Variants in SPA17 observed in about 807,000 individuals in gnomAD.
The protein encoded by SPA17 is sperm autoantigenic protein 17.
In SPA17, 7 loss-of-function variants were observed where a neutral mutation model predicts 13.8. That is an observed-to-expected ratio of 0.51 (90% CI 0.29 to 0.95). The LOEUF is 0.95. Among genes scored for constraint, SPA17 ranks in the 40% least tolerant of loss-of-function variants. The pLI is 0.08. For missense variants in SPA17, 170 were observed against 179.3 expected, an observed-to-expected ratio of 0.95 and a Z score of 0.30; for synonymous variants, 61 against 59.0, an observed-to-expected ratio of 1.03 and a Z score of -0.16.
In SPA17 at chr11:124,692,957, C is replaced by T. The variant is rs187155175; in HGVS notation, c.312+1175C>T. On this transcript the variant is annotated intron_variant, in intron 4 of 4. Coordinates refer to ENST00000227135, the MANE Select transcript of SPA17 (RefSeq NM_017425.4). The stretch of plus-strand genomic sequence containing the variant: ...TCCTACCTAGTGATGCATTGCTTTT[C>T]CCTATAAGATTTACAGGTTGTTCCA... Among the ~76,000 whole-genome samples the T allele has an allele frequency of 5.1e-3, 775 of 152,288 alleles. 10 individuals are homozygous for T. The highest frequency in any genetic ancestry group is 0.017 in the African/African-American group (721 of 41,554).
chr11:124,693,483 G>A (rs1943642608), intron 4 of SPA17, among the ~76,000 whole-genome samples: 1 of 145,668 alleles, frequency 6.9e-6, no homozygotes, highest in African/African-American at 2.7e-5. Flanking sequence ...AAAATAAAAA[G>A]ACATATATAT....
chr11:124,674,478 C>T (rs1943431106), intron 1 of SPA17: 1 of 152,440 alleles, frequency 6.6e-6, no homozygotes, highest in Admixed American at 6.5e-5. Flanking sequence ...CGCACACTCT[C>T]ACATTAACAG....
At chr11:124,675,459 T>G (rs199610309) in intron 2 of SPA17, 41 bp downstream of exon 2, 34 of 1,592,854 alleles carry the variant, frequency 2.1e-5, no homozygotes, top group Non-Finnish European at 2.9e-5. Flanking sequence ...AATAAGAAAC[T>G]AAGCATTTGT....
intron 2 of SPA17, among the ~76,000 whole-genome samples, chr11:124,679,744 A>T (rs544950272): frequency 6.6e-6 from 1 of 152,330 alleles, no homozygotes; most frequent in East Asian, 1.9e-4. Context: ...GATTAGGCTG[A>T]ACGTCTTGCC....
intron 4 of SPA17, among the ~76,000 whole-genome samples, chr11:124,692,617 C>T (rs911511898): frequency 2.0e-5 from 3 of 152,076 alleles, no homozygotes; most frequent in African/African-American, 4.8e-5. Flanking sequence ...AGTCCACCCT[C>T]AAAGGCCCAT....
chr11:124,693,816 T>C (rs1230753571), intron 4 of SPA17, among the ~76,000 whole-genome samples: 1 of 152,198 alleles, frequency 6.6e-6, no homozygotes, highest in East Asian at 1.9e-4. Context: ...ACTGACATTA[T>C]TGGACTAAAT....
chr11:124,692,173 G>A (rs1007999381), intron 4 of SPA17, among the ~76,000 whole-genome samples: 1 of 152,162 alleles, frequency 6.6e-6, no homozygotes, highest in Non-Finnish European at 1.5e-5. Context: ...GAAAATCACA[G>A]GGAATTACAT....
At chr11:124,681,315 C>A (rs1313595392) in intron 2 of SPA17, 74 bp from the exon 3 acceptor site, 2 of 1,218,642 alleles carry the variant, frequency 1.6e-6, no homozygotes, top group Non-Finnish European at 2.3e-6. Flanking sequence ...AAGAAACTTA[C>A]ATTTGTGTCA....
rs914872734 is a variant in SPA17 at position 124,693,506 on chromosome 11, A to G, written c.313-797A>G. Among the ~76,000 whole-genome samples, 3 of 151,608 alleles carry G rather than the reference A, an allele frequency of 2.0e-5. No homozygotes were observed. The South Asian group carries it at 6.2e-4, about 31-fold the overall frequency. On this transcript the variant is annotated intron_variant, in intron 4 of 4. Transcript: ENST00000227135. ...AAGACATATATATATATATATACCC[A>G]TATGAATATATTTGCATATAGAGAA... is the stretch of plus-strand genomic sequence containing the variant.
chr11:124,679,091 C>T (rs1019855195), intron 2 of SPA17, among the ~76,000 whole-genome samples: 3 of 150,542 alleles, frequency 2.0e-5, no homozygotes, highest in Non-Finnish European at 3.0e-5. Flanking sequence ...GAGCCGAGAT[C>T]GCACCACTGC....
At position 124,697,478 on chromosome 11, in the gene SPA17, C is replaced by G. The variant is rs1943683508; in HGVS notation, c.*3032C>G. On this transcript the variant is annotated 3_prime_UTR_variant, in exon 5 of 5. Transcript: ENST00000227135. ...TCTCATGCTGGTCACAGAAGACAAG[C>G]AGGAAAACCCAGCATGCAAGAATAT... The G allele has an allele frequency of 6.6e-6, 1 of 152,178 alleles. No individual in the cohort carries two copies. The highest frequency in any genetic ancestry group is 6.5e-5 in the Admixed American group (1 of 15,284). 9.4% of individuals were successfully genotyped at this position (152,178 alleles called of 1,614,324 possible).
chr11:124,695,129 A>C lies in SPA17; in HGVS notation c.*683A>C, dbSNP rs1404096820. 1 of 152,848 alleles carries C rather than the reference A, an allele frequency of 6.5e-6. No individual in the cohort carries two copies. Among genetic ancestry groups the C allele is most frequent in the Non-Finnish European group, 1.5e-5 (1 of 68,548 alleles). The allele number at this position is 152,848 out of a possible 1,614,324, so 9.5% of individuals were successfully genotyped here. A position where few individuals can be genotyped will look rare whatever the true frequency, so the allele number is the denominator to read the frequency against. On this transcript the variant is annotated 3_prime_UTR_variant, in exon 5 of 5. Transcript: ENST00000227135. ...CTCAAAAACAAAACAAAACAAAAAA[A>C]AGCCTCTGCCTCCTTGTAAGTTTAA...
Position 124,681,436 on chromosome 11 carries a change from T to G in SPA17, c.202T>G (p.Phe68Val). The change falls in exon 3 of 5, where the codon TTC becomes GTC. Residue 68 changes from phenylalanine (F) to valine (V), a missense_variant. Physicochemically the swap from Phe to Val is conservative, Grantham distance 50. Transcript: ENST00000227135. ...ATGGGGGAGTAAGGTAGAAGACCGC[T>G]TCTATAACAATCATGCATTCGAGGT... ...AEWGSKVEDR[F>V]YNNHAFEEQE... 3 of 1,585,792 alleles carry G rather than the reference T, an allele frequency of 1.9e-6. No individual in the cohort carries two copies. The highest frequency in any genetic ancestry group is 1.2e-5 in the South Asian group (1 of 86,888).
At chr11:124,682,657 A>T (rs1381140536) in intron 3 of SPA17, among the ~76,000 whole-genome samples, 1 of 152,192 alleles carries the variant, frequency 6.6e-6, no homozygotes, top group African/African-American at 2.4e-5. Flanking sequence ...AAAAAATTTT[A>T]GAACTTGAAT....
At chr11:124,675,187 A>C in intron 1 of SPA17, 51 bp from the exon 2 acceptor site, 1 of 1,514,482 alleles carries the variant, frequency 6.6e-7, no homozygotes, top group Non-Finnish European at 8.9e-7. Flanking sequence ...TTGTGATTAT[A>C]TAAGTAAAAT....
intron 3 of SPA17, among the ~76,000 whole-genome samples, chr11:124,683,540 A>G (rs972089692): frequency 2.0e-5 from 3 of 151,968 alleles, no homozygotes; most frequent in African/African-American, 7.2e-5. Context: ...TTTCTTTAAA[A>G]AAAAAAAAAA....
chr11:124,691,533 CTT>C (rs986672920), intron 3 of SPA17, among the ~76,000 whole-genome samples, 161 bp from the exon 4 acceptor site: 1 of 152,118 alleles, frequency 6.6e-6, no homozygotes, highest in East Asian at 1.9e-4. Flanking sequence ...ATTATTTCTT[CTT>C]GTTTCAATGT....
chr11:124,691,190 C>A (rs1450592473), intron 3 of SPA17, among the ~76,000 whole-genome samples: 2 of 152,130 alleles, frequency 1.3e-5, no homozygotes, highest in Admixed American at 6.5e-5. Context: ...GAGGTGGTTT[C>A]TCCTTTTATA....
intron 3 of SPA17, among the ~76,000 whole-genome samples, chr11:124,686,168 G>C (rs1002447472): frequency 7.1e-6 from 1 of 140,342 alleles, no homozygotes; most frequent in South Asian, 2.4e-4. Context: ...GAGGGATCTC[G>C]TGGAGGTAAT....
Sources: allele counts gnomAD v4.1 joint callset (sites outside exome capture counted in the v4.1 genomes callset), GRCh38; gene constraint gnomAD v4.1.1; transcripts MANE v1.5; gene names NCBI Gene and HGNC (gene_info 2026-07-23, HGNC 2026-07-21).